Variants in KIAA1217 observed in about 807,000 individuals in gnomAD.
KIAA1217 encodes the protein KIAA1217, also known as sickle tail protein homolog.
A neutral mutation model predicts 163.9 loss-of-function variants in KIAA1217; 88 were observed. That is an observed-to-expected ratio of 0.54 (90% confidence interval 0.45 to 0.64). KIAA1217 has a LOEUF of 0.64. Ranked by LOEUF, KIAA1217 falls within the 30% of genes least tolerant of loss-of-function variation. KIAA1217 has a pLI of 0.00. For synonymous variants in KIAA1217, 903 were observed against 923.1 expected (o/e 0.98, Z 0.39); for missense variants, 2,372 against 2,475.0 (o/e 0.96, Z 0.88).
intron 2 of KIAA1217, among the ~76,000 whole-genome samples, chr10:24,063,720 A>G (rs1265519983): frequency 6.6e-6 from 1 of 152,176 alleles, no homozygotes; most frequent in Non-Finnish European, 1.5e-5. Flanking sequence ...GAATCTATAA[A>G]TTACCTTGGG....
chr10:24,338,819 A>G (rs2046716262), intron 2 of KIAA1217, among the ~76,000 whole-genome samples: 2 of 152,088 alleles, frequency 1.3e-5, no homozygotes, highest in Admixed American at 6.6e-5. Flanking sequence ...TATTATATGG[A>G]TAACTTTTAA....
At chr10:24,170,588 G>C (rs1341954514) in intron 2 of KIAA1217, among the ~76,000 whole-genome samples, 2 of 152,156 alleles carry the variant, frequency 1.3e-5, no homozygotes, top group Non-Finnish European at 2.9e-5. Flanking sequence ...GTGATATAGA[G>C]AGGACAAAGG....
At chr10:24,015,781 G>GGAAA (rs906212777) in intron 2 of KIAA1217, among the ~76,000 whole-genome samples, 23 of 150,414 alleles carry the variant, frequency 1.5e-4, no homozygotes, top group African/African-American at 5.4e-4. Context: ...AAAGAAAAAA[G>GGAAA]GAAAGAAAGA....
At chr10:23,815,471 C>A (rs929179421) in intron 1 of KIAA1217, among the ~76,000 whole-genome samples, 6 of 151,938 alleles carry the variant, frequency 3.9e-5, no homozygotes, top group Non-Finnish European at 7.4e-5. Flanking sequence ...GGTGAAACCC[C>A]GTCTCTACTA....
In KIAA1217 at chr10:24,097,553, AAGAG is replaced by A. The variant is rs1356909770; in HGVS notation, c.-171+90190_-171+90193del. 3.3e-5 allele frequency among the ~76,000 whole-genome samples: 5 copies of A among 151,982 alleles called. No homozygotes were observed. The South Asian group carries it at 6.2e-4, about 19-fold the overall frequency. ...ATGAGACCCCATCTCTAGAAAGAAA[AAGAG>A]AGAGAGAGAGGAAGGCGAAAAGAAA... On this transcript the variant is annotated intron_variant, in intron 2 of 18. Coordinates refer to the KIAA1217 transcript ENST00000376462.
In KIAA1217 at chr10:23,790,386, CATATGTAT is replaced by C. The variant is rs1196642509; in HGVS notation, c.-321+95157_-321+95164del. ...ATATACATATACATATGTATATATA[CATATGTAT>C]ATATACATATATACATATACATATA... On this transcript the variant is annotated intron_variant, in intron 1 of 18. Coordinates refer to the KIAA1217 transcript ENST00000376462. Among the ~76,000 whole-genome samples, 4 of 83,128 alleles carry C rather than the reference CATATGTAT, an allele frequency of 4.8e-5. No homozygotes were observed. In the East Asian group the frequency reaches 9.2e-4, roughly 19 times the overall value. The allele number at this position is 83,128 out of a possible 152,430, so 54.5% of individuals were successfully genotyped here.
chr10:24,015,809 G>A (rs894682234), intron 2 of KIAA1217, among the ~76,000 whole-genome samples: 45 of 150,808 alleles, frequency 3.0e-4, no homozygotes, highest in African/African-American at 1.0e-3. Flanking sequence ...AAATAGAAAC[G>A]TAAAATCCAC....
At chr10:23,849,987 C>A (rs1331898189) in intron 1 of KIAA1217, among the ~76,000 whole-genome samples, 2 of 152,082 alleles carry the variant, frequency 1.3e-5, no homozygotes, top group African/African-American at 2.4e-5. Flanking sequence ...CCTTCAGAGA[C>A]TGCAATGGAT....
At chr10:24,492,726 A>C (rs1245592345) in intron 6 of KIAA1217, among the ~76,000 whole-genome samples, 2 of 152,170 alleles carry the variant, frequency 1.3e-5, no homozygotes, top group African/African-American at 2.4e-5. Context: ...GGCAAAACTC[A>C]AGGCCGCAAT....
chr10:23,888,955 G>A (rs1383584240), intron 1 of KIAA1217, among the ~76,000 whole-genome samples: 1 of 151,796 alleles, frequency 6.6e-6, no homozygotes, highest in Non-Finnish European at 1.5e-5. Flanking sequence ...AAGACATATT[G>A]GTGTGTCTGT....
intron 2 of KIAA1217, among the ~76,000 whole-genome samples, chr10:24,334,733 A>G (rs1023591462): frequency 6.6e-6 from 1 of 152,200 alleles, no homozygotes; most frequent in Non-Finnish European, 1.5e-5. Context: ...TGTTTGGCAC[A>G]TAGTCATAAT....
At chr10:24,383,177 A>G (rs1337106572) in intron 3 of KIAA1217, among the ~76,000 whole-genome samples, 2 of 152,100 alleles carry the variant, frequency 1.3e-5, no homozygotes, top group East Asian at 3.9e-4. Context: ...CTCCACTCAC[A>G]CTTAGGAGCC....
chr10:24,328,837 A>G (rs1325279603), intron 2 of KIAA1217, among the ~76,000 whole-genome samples: 1 of 151,922 alleles, frequency 6.6e-6, no homozygotes, highest in Non-Finnish European at 1.5e-5. Context: ...CAGTTTTATT[A>G]AGTGAATTTG....
intron 3 of KIAA1217, among the ~76,000 whole-genome samples, chr10:24,419,222 T>C (rs1564645730): frequency 6.6e-6 from 1 of 151,268 alleles, no homozygotes; most frequent in Non-Finnish European, 1.5e-5. Flanking sequence ...TGACCTTTGC[T>C]CTTTGCTTTC....
At chr10:24,145,505 G>A (rs958751515) in intron 2 of KIAA1217, among the ~76,000 whole-genome samples, 1 of 152,218 alleles carries the variant, frequency 6.6e-6, no homozygotes, top group Non-Finnish European at 1.5e-5. Context: ...AGTGTTTACT[G>A]AGCGTATCAG....
chr10:24,342,492 C>A (rs1482590037), intron 2 of KIAA1217, among the ~76,000 whole-genome samples: 2 of 152,020 alleles, frequency 1.3e-5, no homozygotes, highest in Non-Finnish European at 1.5e-5. Context: ...TTTGTTAGAT[C>A]CTTTCCTCAA....
intron 2 of KIAA1217, among the ~76,000 whole-genome samples, chr10:24,302,313 CCTGGGTTGGCCA>C (rs1057106660): frequency 2.6e-5 from 4 of 152,062 alleles, no homozygotes; most frequent in Admixed American, 2.6e-4. Flanking sequence ...GGAGTGAATC[CCTGGGTTGGCCA>C]CTCCTGGATT....
chr10:23,760,009 A>G lies in KIAA1217; in HGVS notation c.-321+64775A>G, dbSNP rs139859106. ...ATTTTTTCTATTTACCTAATGTCGT[A>G]TATATACCATAGGTAGAGGATTAGC... On this transcript the variant is annotated intron_variant, in intron 1 of 18. Coordinates refer to the KIAA1217 transcript ENST00000376462. Among the ~76,000 whole-genome samples the G allele has an allele frequency of 1.5e-3, 224 of 152,326 alleles. 1 individual carries two copies. The highest frequency in any genetic ancestry group is 2.1e-3 in the Non-Finnish European group (141 of 68,034).
chr10:23,744,978 C>T (rs1839317442), intron 1 of KIAA1217, among the ~76,000 whole-genome samples: 1 of 152,098 alleles, frequency 6.6e-6, no homozygotes, highest in Non-Finnish European at 1.5e-5. Flanking sequence ...ATTCAAAGTT[C>T]ACTGATTTAA....
Sources: allele counts gnomAD v4.1 joint callset (sites outside exome capture counted in the v4.1 genomes callset), GRCh38; gene constraint gnomAD v4.1.1; transcripts MANE v1.5; gene names NCBI Gene and HGNC (gene_info 2026-07-23, HGNC 2026-07-21).